The following EPAS1 variants were observed in gnomAD, a reference collection of about 807,000 sequenced individuals.
EPAS1 encodes endothelial PAS domain protein 1.
A neutral mutation model predicts 87.9 loss-of-function variants in EPAS1; 23 were observed. The ratio of observed to expected loss-of-function variants is 0.26; its 90% CI spans 0.19 to 0.37. EPAS1 has a LOEUF of 0.37. Ranked by LOEUF, EPAS1 falls within the 10% of genes least tolerant of loss-of-function variation. EPAS1 has a pLI of 1.00. For missense variants in EPAS1, 1,138 were observed against 1,120.7 expected (o/e 1.02, Z -0.22); for synonymous variants, 508 against 444.3 (o/e 1.14, Z -1.80).
At chr2:46,352,923 G>T (rs1011513230) in intron 2 of EPAS1, among the ~76,000 whole-genome samples, 2 of 152,214 alleles carry the variant, frequency 1.3e-5, no homozygotes, top group Admixed American at 1.3e-4. Context: ...AATGCACTGG[G>T]CATGGGTGGA....
intron 1 of EPAS1, among the ~76,000 whole-genome samples, chr2:46,313,157 A>G (rs1301030437): frequency 6.6e-6 from 1 of 152,190 alleles, no homozygotes; most frequent in Non-Finnish European, 1.5e-5. Context: ...AGAAGTGGGA[A>G]AAAGGCTTTG....
chr2:46,383,667 A>G (rs1684950880), intron 15 of EPAS1, among the ~76,000 whole-genome samples: 1 of 152,242 alleles, frequency 6.6e-6, no homozygotes, highest in South Asian at 2.1e-4. Context: ...ATTACCTTGA[A>G]TATTGAAATC....
At chr2:46,342,698 A>T (rs1683935056) in intron 1 of EPAS1, among the ~76,000 whole-genome samples, 1 of 152,228 alleles carries the variant, frequency 6.6e-6, no homozygotes, top group Admixed American at 6.5e-5. Flanking sequence ...AGAGCAGATC[A>T]TCCTTAGATT....
In EPAS1 at chr2:46,384,944, C is replaced by CT; in HGVS notation, c.*284_*285insT. 2.2e-6 allele frequency: 1 copy of CT among 455,498 alleles called. No individual in the cohort carries two copies. Among genetic ancestry groups the CT allele is most frequent in the Non-Finnish European group, 4.1e-6 (1 of 246,554 alleles). The allele number at this position is 455,498 out of a possible 1,614,324, so 28.2% of individuals were successfully genotyped here. A position where few individuals can be genotyped will look rare whatever the true frequency, so the allele number is the denominator to read the frequency against. On this transcript the variant is annotated 3_prime_UTR_variant, in exon 16 of 16. Coordinates refer to ENST00000263734, the MANE Select transcript of EPAS1 (RefSeq NM_001430.5). ...TTCAATGACTTCTAATTTATATTATCCATAGGTTTCTCTCCCTCCTTCTCC... is the reference window on the plus strand; with the variant it reads ...TTCAATGACTTCTAATTTATATTATCTCATAGGTTTCTCTCCCTCCTTCTCC...
intron 1 of EPAS1, among the ~76,000 whole-genome samples, chr2:46,331,296 C>T (rs189967841): frequency 5.3e-4 from 81 of 152,274 alleles, no homozygotes; most frequent in Non-Finnish European, 8.4e-4. Flanking sequence ...CTTCTCTATC[C>T]CCAGTGCCTG....
intron 1 of EPAS1, among the ~76,000 whole-genome samples, chr2:46,305,939 A>C (rs1683102882): frequency 6.6e-6 from 1 of 152,212 alleles, no homozygotes; most frequent in Non-Finnish European, 1.5e-5. Context: ...TAGTATTCTT[A>C]GAAGTTAATC....
Position 46,370,886 on chromosome 2 carries a change from C to G in EPAS1, c.886+953C>G, listed in dbSNP as rs141426873. 3.9e-4 allele frequency among the ~76,000 whole-genome samples: 60 copies of G among 152,150 alleles called. 2 individuals are homozygous for G. The East Asian group carries it at 7.9e-3, about 20-fold the overall frequency. On this transcript the variant is annotated intron_variant, in intron 7 of 15. Coordinates refer to ENST00000263734, the MANE Select transcript of EPAS1 (RefSeq NM_001430.5). ...CTGGGCCTATAACCCTGTACTTGGCCCACTGGGGGTGATATAAATTGGTAG... is the reference window on the plus strand; with the variant it reads ...CTGGGCCTATAACCCTGTACTTGGCGCACTGGGGGTGATATAAATTGGTAG...
intron 1 of EPAS1, among the ~76,000 whole-genome samples, chr2:46,344,423 G>C (rs1349080121): frequency 6.6e-6 from 1 of 152,230 alleles, no homozygotes; most frequent in Non-Finnish European, 1.5e-5. Flanking sequence ...TGTTGATGAT[G>C]CTTTTGTTGG....
chr2:46,385,047 T>C lies in EPAS1; in HGVS notation c.*387T>C. On this transcript the variant is annotated 3_prime_UTR_variant, in exon 16 of 16. Transcript: ENST00000263734. ...GTAGGGAGAAGCTTTAGCTTCATTT[T>C]ACTAAAAAGATTCCTCGTTATTGTT... 1 of 209,800 alleles carries C rather than the reference T, an allele frequency of 4.8e-6. No individual in the cohort carries two copies. The highest frequency in any genetic ancestry group is 8.3e-5 in the South Asian group (1 of 11,980). The allele number at this position is 209,800 out of a possible 1,614,324, so 13.0% of individuals were successfully genotyped here. A position where few individuals can be genotyped will look rare whatever the true frequency, so the allele number is the denominator to read the frequency against.
rs1027294803 is a variant in EPAS1, at chr2:46,297,917, A to C, written c.6A>C (p.Thr2=). ...CTCAAAGGGCCACAGCGACAATGAC[A>C]GCTGACAAGGAGAAGAAAAGGTAAG... M[T]ADKEKKRSSS... Residue 2 remains threonine (T), a synonymous_variant, in exon 1 of 16, where the codon ACA becomes ACC. Transcript: ENST00000263734. The C allele has an allele frequency of 2.5e-6, 4 of 1,612,352 alleles. No homozygotes were observed. The highest frequency in any genetic ancestry group is 1.3e-5 in the African/African-American group (1 of 74,836).
At chr2:46,324,097 C>T (rs781361152) in intron 1 of EPAS1, among the ~76,000 whole-genome samples, 3 of 152,326 alleles carry the variant, frequency 2.0e-5, no homozygotes, top group Middle Eastern at 3.4e-3. Context: ...GACGGAGTCT[C>T]GTTCTGTAGC....
At chr2:46,358,976 C>T (rs1684328144) in intron 4 of EPAS1, among the ~76,000 whole-genome samples, 1 of 152,038 alleles carries the variant, frequency 6.6e-6, no homozygotes, top group South Asian at 2.1e-4. Flanking sequence ...AAAGAATGAA[C>T]AAGGCCAGGC....
chr2:46,331,844 C>T (rs946709357), intron 1 of EPAS1, among the ~76,000 whole-genome samples: 2 of 152,218 alleles, frequency 1.3e-5, no homozygotes, highest in Admixed American at 6.5e-5. Context: ...ATCGTTTAAT[C>T]AGACACGGCG....
chr2:46,377,408 C>T (rs943181028), intron 9 of EPAS1, among the ~76,000 whole-genome samples: 19 of 152,156 alleles, frequency 1.2e-4, no homozygotes, highest in South Asian at 2.1e-4. Context: ...CTGTGGCTGC[C>T]GGAAGAGTGG....
At chr2:46,355,558 G>C (rs1263527539) in intron 2 of EPAS1, among the ~76,000 whole-genome samples, 1 of 152,222 alleles carries the variant, frequency 6.6e-6, no homozygotes, top group Non-Finnish European at 1.5e-5. Context: ...AGCATGCTTA[G>C]TGCAGTACCT....
intron 2 of EPAS1, among the ~76,000 whole-genome samples, chr2:46,354,598 G>A (rs1684234228): frequency 6.6e-6 from 1 of 151,118 alleles, no homozygotes; most frequent in East Asian, 1.9e-4. Context: ...GGTTCCGGGT[G>A]GAAGTTTTCC....
At chr2:46,352,789 C>G (rs2103623264) in intron 2 of EPAS1, among the ~76,000 whole-genome samples, 1 of 152,342 alleles carries the variant, frequency 6.6e-6, no homozygotes, top group South Asian at 2.1e-4. Flanking sequence ...CCTGGTCCTC[C>G]AGCCATTGTG....
chr2:46,309,699 C>T (rs1372962642), intron 1 of EPAS1, among the ~76,000 whole-genome samples: 2 of 152,122 alleles, frequency 1.3e-5, no homozygotes, highest in East Asian at 3.9e-4. Context: ...AGTGTGCAGG[C>T]CAGGACTGGT....
At chr2:46,333,333 C>T (rs2104860166) in intron 1 of EPAS1, among the ~76,000 whole-genome samples, 1 of 152,238 alleles carries the variant, frequency 6.6e-6, no homozygotes, top group East Asian at 1.9e-4. Context: ...TTTGCCTGTG[C>T]CCTCAGAGAA....
Sources: gnomAD v4.1 joint callset for allele counts (sites outside exome capture counted in the v4.1 genomes callset) on GRCh38, gnomAD v4.1.1 for gene constraint, MANE v1.5 for transcripts, NCBI Gene and HGNC (gene_info 2026-07-23, HGNC 2026-07-21) for gene names.